FANCA: variants seen among roughly 807,000 people sequenced by gnomAD.
FANCA encodes the protein FA complementation group A.
In FANCA, 236 loss-of-function variants were observed where a neutral mutation model predicts 194.3. The ratio of observed to expected loss-of-function variants is 1.21; its 90% CI spans 1.09 to 1.35. FANCA has a LOEUF of 1.35. FANCA is among the 40% of genes most tolerant of loss of function. FANCA has a pLI of 0.00. For missense variants in FANCA, 2,628 were observed against 1,813.9 expected, an observed-to-expected ratio of 1.45 and a Z score of -8.15; for synonymous variants, 1,014 against 715.8, an observed-to-expected ratio of 1.42 and a Z score of -6.65.
chr16:89,749,821 CAA>C lies in FANCA; in HGVS notation c.3146_3147del (p.Phe1049Ter), dbSNP rs2143139166. 1 of 1,614,212 alleles carries C rather than the reference CAA, an allele frequency of 6.2e-7. No individual in the cohort carries two copies. On this transcript the variant is annotated frameshift_variant, in exon 32 of 43. Coordinates refer to ENST00000389301, the MANE Select transcript of FANCA (RefSeq NM_000135.4). LOFTEE classifies it high-confidence loss of function. ...GHTPSQEHFL[F>X]EIFRRRLQAL... ...GCCTGGAGCCGTCTGCGGAAAATCT[CAA>C]AGAGGAAGTGCTCCTGGGAAGGGGT...
intron 10 of FANCA, chr16:89,798,768 G>T (rs1189631795): frequency 2.2e-6 from 3 of 1,393,462 alleles, no homozygotes; most frequent in Non-Finnish European, 1.9e-6. Context: ...AGTCTGTAGA[G>T]GCACAGCTAC....
In FANCA at chr16:89,811,920, T is replaced by C. The variant is rs1383751050; in HGVS notation, c.284-849A>G. Among the ~76,000 whole-genome samples, 7 of 151,602 alleles carry C rather than the reference T, an allele frequency of 4.6e-5. No individual in the cohort carries two copies. The East Asian group carries it at 1.4e-3, about 30-fold the overall frequency. ...TAATTTTTTGTATTTTTAGTAGAGA[T>C]GGGGTTTCACTATGTTGGCTAGGCT... On this transcript the variant is annotated intron_variant, in intron 3 of 42. Coordinates refer to ENST00000389301, the MANE Select transcript of FANCA (RefSeq NM_000135.4).
At chr16:89,765,512 G>A (rs767418393) in intron 27 of FANCA, among the ~76,000 whole-genome samples, 6 of 152,280 alleles carry the variant, frequency 3.9e-5, no homozygotes, top group Non-Finnish European at 7.3e-5. Context: ...TGAGCTAAAT[G>A]TCTGGAAGCA....
intron 3 of FANCA, among the ~76,000 whole-genome samples, chr16:89,814,247 C>G (rs1011578570): frequency 1.3e-5 from 2 of 152,180 alleles, no homozygotes; most frequent in African/African-American, 4.8e-5. Flanking sequence ...AGGGGCACAT[C>G]CCTGCTGTTG....
intron 22 of FANCA, among the ~76,000 whole-genome samples, chr16:89,772,248 T>G (rs1009806350): frequency 6.6e-6 from 1 of 152,254 alleles, no homozygotes; most frequent in Non-Finnish European, 1.5e-5. Flanking sequence ...TCACCTGACA[T>G]GTATCAACCT....
intron 26 of FANCA, among the ~76,000 whole-genome samples, chr16:89,768,510 G>A (rs996833530): frequency 5.3e-5 from 8 of 152,094 alleles, no homozygotes; most frequent in African/African-American, 1.7e-4. Context: ...ACATAAATTA[G>A]CTGGGCATGG....
intron 28 of FANCA, among the ~76,000 whole-genome samples, chr16:89,763,968 G>T (rs896382467): frequency 6.6e-6 from 1 of 151,458 alleles, no homozygotes; most frequent in South Asian, 2.1e-4. Context: ...GTTCTCGGGC[G>T]CAATGGCTCA....
At position 89,814,512 on chromosome 16, in the gene FANCA, T is replaced by C. The variant is rs2143710687; in HGVS notation, c.283+8A>G. The C allele has an allele frequency of 6.3e-7, 1 of 1,590,802 alleles. No individual in the cohort carries two copies. On this transcript the variant is annotated splice_region_variant and intron_variant, in intron 3 of 42. Transcript: ENST00000389301. ...ATTCAAAATAGAGAAAATGAAGCTA[T>C]AACTTACCTATAAATGAACTAGAAT... is the stretch of plus-strand genomic sequence containing the variant.
At chr16:89,781,345 T>C (rs571239301) in intron 17 of FANCA, among the ~76,000 whole-genome samples, 1,080 of 77,044 alleles carry the variant, frequency 0.014, 13 homozygotes, top group Admixed American at 0.041. Context: ...GCCTGGGCAA[T>C]AGAACGAGAC....
intron 36 of FANCA, among the ~76,000 whole-genome samples, chr16:89,744,393 A>T (rs982462936): frequency 6.6e-6 from 1 of 152,152 alleles, no homozygotes; most frequent in East Asian, 1.9e-4. Context: ...TGTGGTCCTC[A>T]GAAGGGTGTG....
At chr16:89,796,317 G>C (rs928403119) in intron 10 of FANCA, among the ~76,000 whole-genome samples, 2 of 152,076 alleles carry the variant, frequency 1.3e-5, no homozygotes, top group African/African-American at 4.8e-5. Context: ...AACAGGTTGG[G>C]AAGGGCAGGC....
At chr16:89,748,183 G>T (rs2038455191) in intron 33 of FANCA, among the ~76,000 whole-genome samples, 1 of 152,216 alleles carries the variant, frequency 6.6e-6, no homozygotes, top group Non-Finnish European at 1.5e-5. Flanking sequence ...TGGGATTACG[G>T]GCGTGAGCCA....
At chr16:89,791,323 C>T (rs1442317860) in intron 14 of FANCA, 80 bp downstream of exon 14, 7 of 1,554,756 alleles carry the variant, frequency 4.5e-6, no homozygotes, top group Non-Finnish European at 6.1e-6. Context: ...GACAGAGAAT[C>T]AGGTGGGGAC....
rs761658520 is a variant in FANCA at position 89,770,096 on chromosome 16, G to C, written c.2316+70C>G. Reference sequence around the variant, plus strand: ...TGGAATTTTCCAGGGCACTGAAGACGAATTGAGAAGTAGCAGCCTGGCCCT... The same window carrying C: ...TGGAATTTTCCAGGGCACTGAAGACCAATTGAGAAGTAGCAGCCTGGCCCT... On this transcript the variant is annotated intron_variant, in intron 25 of 42. Transcript: ENST00000389301. 3 of 1,579,854 alleles carry C rather than the reference G, an allele frequency of 1.9e-6. No individual in the cohort carries two copies. In the Admixed American group the frequency reaches 5.6e-5, roughly 29 times the overall value.
chr16:89,798,617 AG>A, intron 10 of FANCA: 1 of 1,170,912 alleles, frequency 8.5e-7, no homozygotes, highest in East Asian at 3.8e-5. Context: ...CCTTCCACCC[AG>A]CCCCCACTCC....
intron 10 of FANCA, among the ~76,000 whole-genome samples, chr16:89,796,866 C>T (rs2040265045): frequency 6.6e-6 from 1 of 152,156 alleles, no homozygotes. Context: ...ACTAAAAATA[C>T]CAAAATATTA....
rs368561871 is a variant in FANCA, at chr16:89,810,897, G to T, written c.426+32C>A. ...CCCAACCAGCTTAAAAGTAACAACG[G>T]GCAGGTTTCCTCATCTTTGCTGGTG... is the stretch of plus-strand genomic sequence containing the variant. On this transcript the variant is annotated intron_variant, in intron 4 of 42. Coordinates refer to ENST00000389301, the MANE Select transcript of FANCA (RefSeq NM_000135.4). The T allele has an allele frequency of 7.2e-4, 1,156 of 1,613,948 alleles. 1 individual carries two copies. The highest frequency in any genetic ancestry group is 9.3e-4 in the Non-Finnish European group (1,095 of 1,180,012).
At chr16:89,796,363 C>A (rs1332723672) in intron 10 of FANCA, among the ~76,000 whole-genome samples, 1 of 152,156 alleles carries the variant, frequency 6.6e-6, no homozygotes, top group Non-Finnish European at 1.5e-5. Context: ...CGGGAGCCAA[C>A]CCGACGGGGC....
At chr16:89,766,598 C>T (rs977447456) in intron 27 of FANCA, among the ~76,000 whole-genome samples, 1 of 151,906 alleles carries the variant, frequency 6.6e-6, no homozygotes, top group Non-Finnish European at 1.5e-5. Context: ...GCCTGTAATC[C>T]CAGCAACTTG....
Sources: gnomAD v4.1 joint callset for allele counts (sites outside exome capture counted in the v4.1 genomes callset) on GRCh38, gnomAD v4.1.1 for gene constraint, MANE v1.5 for transcripts, NCBI Gene and HGNC (gene_info 2026-07-23, HGNC 2026-07-21) for gene names.